Variants in PRICKLE1 observed in about 807,000 individuals in gnomAD.
PRICKLE1 encodes prickle-like protein 1.
A neutral mutation model predicts 70.2 loss-of-function variants in PRICKLE1; 14 were observed. The ratio of observed to expected loss-of-function variants is 0.20; its 90% CI spans 0.13 to 0.31. The LOEUF is 0.31. Among genes scored for constraint, PRICKLE1 ranks in the 10% least tolerant of loss-of-function variants. PRICKLE1 has a pLI of 1.00. For missense variants in PRICKLE1, 821 were observed against 1,026.2 expected, an observed-to-expected ratio of 0.80 and a Z score of 2.73; for synonymous variants, 357 against 379.9, an observed-to-expected ratio of 0.94 and a Z score of 0.70.
intron 1 of PRICKLE1, among the ~76,000 whole-genome samples, chr12:42,577,824 CA>C (rs1940828106): frequency 6.6e-6 from 1 of 152,180 alleles, no homozygotes; most frequent in Non-Finnish European, 1.5e-5. Context: ...AAAATATCAT[CA>C]AACAATTTTG....
At chr12:42,506,241 G>GTTTTTTTT (rs774029085) in intron 1 of PRICKLE1, among the ~76,000 whole-genome samples, 1 of 122,098 alleles carries the variant, frequency 8.2e-6, no homozygotes, top group African/African-American at 3.6e-5. Flanking sequence ...AGTAAAAAAT[G>GTTTTTTTT]TTCTTTTTTC....
At chr12:42,560,096 C>G (rs1029636158) in intron 1 of PRICKLE1, among the ~76,000 whole-genome samples, 1 of 134,374 alleles carries the variant, frequency 7.4e-6, no homozygotes, top group African/African-American at 2.8e-5. Context: ...ATTGGGAAAT[C>G]TCCTTTAATT....
At chr12:42,561,662 T>A (rs771609591) in intron 1 of PRICKLE1, among the ~76,000 whole-genome samples, 3 of 152,192 alleles carry the variant, frequency 2.0e-5, no homozygotes, top group Non-Finnish European at 4.4e-5. Flanking sequence ...GAGTAGACAA[T>A]GAAATGTATT....
intron 1 of PRICKLE1, among the ~76,000 whole-genome samples, chr12:42,475,069 C>T (rs756704288): frequency 8.0e-4 from 122 of 152,140 alleles, no homozygotes; most frequent in Non-Finnish European, 1.2e-3. Flanking sequence ...GGTAAATCAA[C>T]GTTAGCACTA....
chr12:42,465,521 G>A, intron 6 of PRICKLE1: 1 of 490,098 alleles, frequency 2.0e-6, no homozygotes, highest in Non-Finnish European at 3.6e-6. Flanking sequence ...AATACGAACT[G>A]AACCAACATG....
chr12:42,579,765 T>G (rs1414947574), intron 1 of PRICKLE1, among the ~76,000 whole-genome samples: 1 of 152,002 alleles, frequency 6.6e-6, no homozygotes, highest in Non-Finnish European at 1.5e-5. Flanking sequence ...AAAAACCAAA[T>G]AAAACAATAA....
intron 1 of PRICKLE1, among the ~76,000 whole-genome samples, chr12:42,485,746 A>G (rs964155626): frequency 6.6e-6 from 1 of 152,240 alleles, no homozygotes; most frequent in Non-Finnish European, 1.5e-5. Context: ...AGGCAACAAA[A>G]TACTTCCAAC....
At chr12:42,563,023 A>G (rs187217275) in intron 1 of PRICKLE1, among the ~76,000 whole-genome samples, 19,896 of 151,874 alleles carry the variant, frequency 0.13, 1,698 homozygotes, top group Non-Finnish European at 0.19. Context: ...TCTCTACTAA[A>G]AATACAAAAA....
In PRICKLE1 at chr12:42,459,590, C is replaced by T. The variant is rs893252455; in HGVS notation, c.*219G>A. 7 of 646,254 alleles carry T rather than the reference C, an allele frequency of 1.1e-5. No homozygotes were observed. The highest frequency in any genetic ancestry group is 2.8e-5 in the Admixed American group (1 of 36,242). The allele number at this position is 646,254 out of a possible 1,614,324, so 40.0% of individuals were successfully genotyped here. Reference sequence around the variant, plus strand: ...GTAACGCACCCGCACCGGACAGGCACGAGATGTCACGTCCACCTGGCACCA... The same window carrying T: ...GTAACGCACCCGCACCGGACAGGCATGAGATGTCACGTCCACCTGGCACCA... On this transcript the variant is annotated 3_prime_UTR_variant, in exon 8 of 8. Transcript: ENST00000345127.
chr12:42,581,339 A>T lies in PRICKLE1; in HGVS notation c.-49+8126T>A, dbSNP rs954909535. On this transcript the variant is annotated intron_variant, in intron 1 of 7. Coordinates refer to ENST00000345127, the MANE Select transcript of PRICKLE1 (RefSeq NM_153026.3). ...TTGGTTTTTAATCCAAAAAACTGTT[A>T]AAAAAAAACTGGCTTTTTCTGTACT... is the stretch of plus-strand genomic sequence containing the variant. 6.8e-5 allele frequency among the ~76,000 whole-genome samples: 10 copies of T among 146,392 alleles called. No individual in the cohort carries two copies. The South Asian group carries it at 9.3e-4, about 14-fold the overall frequency.
chr12:42,487,793 C>A (rs1484748133), intron 1 of PRICKLE1, among the ~76,000 whole-genome samples: 4 of 152,166 alleles, frequency 2.6e-5, no homozygotes. Flanking sequence ...CACCTATAAT[C>A]CCGGCACTTT....
At chr12:42,570,606 C>A (rs1055251869) in intron 1 of PRICKLE1, among the ~76,000 whole-genome samples, 5 of 152,070 alleles carry the variant, frequency 3.3e-5, no homozygotes, top group African/African-American at 1.2e-4. Flanking sequence ...GATCACCAGA[C>A]GTCGGGAGTT....
intron 1 of PRICKLE1, among the ~76,000 whole-genome samples, chr12:42,568,267 C>T (rs1940654553): frequency 6.6e-6 from 1 of 152,230 alleles, no homozygotes; most frequent in Non-Finnish European, 1.5e-5. Context: ...CTCTGCCTTT[C>T]AGGCTTAAGT....
At chr12:42,578,382 A>AT (rs371697919) in intron 1 of PRICKLE1, among the ~76,000 whole-genome samples, 7 of 149,098 alleles carry the variant, frequency 4.7e-5, no homozygotes, top group East Asian at 3.9e-4. Context: ...TTCTACCTCT[A>AT]TTTTTTTTTT....
intron 1 of PRICKLE1, among the ~76,000 whole-genome samples, chr12:42,553,878 G>A (rs1173388412): frequency 2.0e-5 from 3 of 152,138 alleles, no homozygotes; most frequent in South Asian, 2.1e-4. Context: ...TGAGACGGGC[G>A]GATCACCTGA....
chr12:42,484,189 T>C (rs2140161780), intron 1 of PRICKLE1: 1 of 150,594 alleles, frequency 6.6e-6, no homozygotes, highest in Admixed American at 6.6e-5. Context: ...ACCGTGCCCC[T>C]GGCCGATCTC....
chr12:42,507,019 C>G (rs1340178918), intron 1 of PRICKLE1, among the ~76,000 whole-genome samples: 1 of 152,022 alleles, frequency 6.6e-6, no homozygotes, highest in African/African-American at 2.4e-5. Flanking sequence ...TATCTAAACC[C>G]ATTATTTGGG....
chr12:42,494,885 GT>G (rs1200741757), intron 1 of PRICKLE1, among the ~76,000 whole-genome samples: 1 of 148,532 alleles, frequency 6.7e-6, no homozygotes, highest in Non-Finnish European at 1.5e-5. Flanking sequence ...ACATCTTCAG[GT>G]TTACTTTTTT....
intron 1 of PRICKLE1, among the ~76,000 whole-genome samples, chr12:42,528,856 A>C (rs1939859482): frequency 6.6e-6 from 1 of 152,230 alleles, no homozygotes; most frequent in Non-Finnish European, 1.5e-5. Flanking sequence ...TGTACCATTT[A>C]ATTTTTAAAA....
Sources: gnomAD v4.1 joint callset for allele counts (sites outside exome capture counted in the v4.1 genomes callset) on GRCh38, gnomAD v4.1.1 for gene constraint, MANE v1.5 for transcripts, NCBI Gene and HGNC (gene_info 2026-07-23, HGNC 2026-07-21) for gene names.